The following MGST1 variants were observed in gnomAD, a reference collection of about 807,000 sequenced individuals.
MGST1 encodes microsomal glutathione S-transferase 1, also known as glutathione S-transferase 12.
A neutral mutation model predicts 8.9 loss-of-function variants in MGST1; 5 were observed. The ratio of observed to expected loss-of-function variants is 0.56; its 90% CI spans 0.29 to 1.19. The LOEUF (loss-of-function observed/expected upper bound fraction) is 1.19. Among genes scored for constraint, MGST1 ranks in the 50% most tolerant of loss-of-function variants. The pLI is 0.08. For synonymous variants in MGST1, 54 were observed against 67.8 expected, an observed-to-expected ratio of 0.80 and a Z score of 1.00; for missense variants, 182 against 187.4, an observed-to-expected ratio of 0.97 and a Z score of 0.17.
intron 1 of MGST1, among the ~76,000 whole-genome samples, chr12:16,431,952 A>G (rs1940942709): frequency 6.6e-6 from 1 of 152,188 alleles, no homozygotes; most frequent in Non-Finnish European, 1.5e-5. Context: ...ATTCTGTATT[A>G]TTCCTATAGC....
chr12:16,532,892 T>C (rs759253537), intron 4 of MGST1, among the ~76,000 whole-genome samples: 2 of 152,142 alleles, frequency 1.3e-5, no homozygotes, highest in African/African-American at 2.4e-5. Context: ...ACCAAACTTA[T>C]GTAATAACAT....
At chr12:16,495,140 C>A (rs372970665) in intron 4 of MGST1, among the ~76,000 whole-genome samples, 3 of 152,074 alleles carry the variant, frequency 2.0e-5, no homozygotes, top group Non-Finnish European at 2.9e-5. Flanking sequence ...GGATAACAAA[C>A]CTCCATTCAT....
intron 3 of MGST1, among the ~76,000 whole-genome samples, chr12:16,374,536 A>T (rs1171336134): frequency 9.9e-5 from 15 of 152,130 alleles, no homozygotes; most frequent in Non-Finnish European, 8.8e-5. Flanking sequence ...ACTGATTAGC[A>T]TTTTAAACTA....
At chr12:16,375,420 C>T (rs914182397) in intron 3 of MGST1, among the ~76,000 whole-genome samples, 2 of 152,120 alleles carry the variant, frequency 1.3e-5, no homozygotes, top group African/African-American at 2.4e-5. Context: ...AACCTCAATG[C>T]GTATCCTATT....
intron 1 of MGST1, among the ~76,000 whole-genome samples, chr12:16,386,346 C>T (rs2137047587): frequency 6.6e-6 from 1 of 152,260 alleles, no homozygotes; most frequent in South Asian, 2.1e-4. Flanking sequence ...CAGTTTATAG[C>T]GGCATGTCAC....
chr12:16,371,150 G>A (rs982574153), intron 3 of MGST1, among the ~76,000 whole-genome samples: 2 of 152,072 alleles, frequency 1.3e-5, no homozygotes, highest in African/African-American at 4.8e-5. Flanking sequence ...GTAGTTGATG[G>A]TGGGACAAAT....
rs117910670 is a variant in MGST1 at position 16,384,362 on chromosome 12, C to T, written n.778+758C>T. Among the ~76,000 whole-genome samples the T allele has an allele frequency of 1.2e-3, 188 of 152,238 alleles. 2 individuals are homozygous for T. The East Asian group carries it at 0.031, about 25-fold the overall frequency. ...TGAGATTATTCTGGATTAGATTGGG[C>T]TCTAAATCCAATGGCAAATAATTAG... On this transcript the variant is annotated intron_variant and non_coding_transcript_variant, in intron 1 of 1. Transcript: ENST00000359720.
exon 2 of MGST1, chr12:16,438,753 A>G (rs995890782): frequency 1.5e-4 from 23 of 151,944 alleles, no homozygotes; most frequent in African/African-American, 5.3e-4. Context: ...TTTGTGGGTG[A>G]AAGGCCACAA....
intron 4 of MGST1, among the ~76,000 whole-genome samples, chr12:16,516,789 G>C (rs1282404801): frequency 6.6e-6 from 1 of 152,118 alleles, no homozygotes; most frequent in East Asian, 1.9e-4. Flanking sequence ...ATGGGTTATG[G>C]CAAACCCACT....
chr12:16,469,335 G>T (rs1185597274), intron 4 of MGST1, among the ~76,000 whole-genome samples: 3 of 151,978 alleles, frequency 2.0e-5, no homozygotes, highest in Non-Finnish European at 4.4e-5. Flanking sequence ...ACAGGCATGT[G>T]CCACCATGTC....
intron 4 of MGST1, among the ~76,000 whole-genome samples, chr12:16,480,041 C>A (rs780584597): frequency 3.3e-5 from 5 of 151,828 alleles, no homozygotes; most frequent in Non-Finnish European, 7.4e-5. Context: ...ATCTTTATAA[C>A]ATTGGGTTAG....
intron 1 of MGST1, chr12:16,399,968 T>G: frequency 7.4e-7 from 1 of 1,356,044 alleles, no homozygotes; most frequent in South Asian, 1.2e-5. Flanking sequence ...AGCGCACTAC[T>G]AGTGGGCTGA....
At chr12:16,358,132 C>T (rs1175936804) in intron 3 of MGST1, among the ~76,000 whole-genome samples, 1 of 152,164 alleles carries the variant, frequency 6.6e-6, no homozygotes, top group African/African-American at 2.4e-5. Context: ...CTGTCCCTCT[C>T]CCCACTGCCA....
intron 1 of MGST1, among the ~76,000 whole-genome samples, chr12:16,427,761 A>G (rs1052593482): frequency 6.6e-6 from 1 of 152,300 alleles, no homozygotes; most frequent in Middle Eastern, 3.4e-3. Context: ...AATTATTTCC[A>G]TCTAAGCATT....
intron 1 of MGST1, chr12:16,402,065 G>A: frequency 6.4e-7 from 1 of 1,569,452 alleles, no homozygotes; most frequent in Non-Finnish European, 8.8e-7. Context: ...CAATCATTTT[G>A]TCAAAGCTAT....
At chr12:16,508,622 C>T (rs1295219047) in intron 4 of MGST1, among the ~76,000 whole-genome samples, 9 of 152,148 alleles carry the variant, frequency 5.9e-5, no homozygotes, top group African/African-American at 2.2e-4. Flanking sequence ...ATTTGGTAAT[C>T]CAGTCCATGA....
At chr12:16,490,565 A>G (rs1941432213) in intron 4 of MGST1, among the ~76,000 whole-genome samples, 3 of 152,212 alleles carry the variant, frequency 2.0e-5, no homozygotes, top group African/African-American at 7.2e-5. Context: ...TTGGCAGAAT[A>G]CAAGTATTGT....
chr12:16,510,162 T>G (rs1388574157), intron 4 of MGST1, among the ~76,000 whole-genome samples: 2 of 152,220 alleles, frequency 1.3e-5, no homozygotes, highest in South Asian at 2.1e-4. Context: ...GAAGGCTCTG[T>G]CAGATGGCAG....
chr12:16,353,945 A>C (rs539701328), intron 1 of MGST1, among the ~76,000 whole-genome samples: 6 of 152,050 alleles, frequency 3.9e-5, no homozygotes, highest in Non-Finnish European at 8.8e-5. Context: ...TTTTTAGTAG[A>C]GATGGGGTTT....
Sources: allele counts gnomAD v4.1 joint callset (sites outside exome capture counted in the v4.1 genomes callset), GRCh38; gene constraint gnomAD v4.1.1; transcripts MANE v1.5; gene names NCBI Gene and HGNC (gene_info 2026-07-23, HGNC 2026-07-21).